TTLL6: variants seen among roughly 807,000 people sequenced by gnomAD.
TTLL6 encodes the protein tubulin tyrosine ligase like 6, also known as tubulin polyglutamylase TTLL6.
In TTLL6, 75 loss-of-function variants were observed where a neutral mutation model predicts 96.4. That is an observed-to-expected ratio of 0.78 (90% CI 0.65 to 0.94). TTLL6 has a LOEUF of 0.94. Among genes scored for constraint, TTLL6 ranks in the 40% least tolerant of loss-of-function variants. The pLI is 0.00. For missense variants in TTLL6, 1,030 were observed against 1,093.0 expected, an observed-to-expected ratio of 0.94 and a Z score of 0.81; for synonymous variants, 411 against 419.4, an observed-to-expected ratio of 0.98 and a Z score of 0.24.
intron 13 of TTLL6, among the ~76,000 whole-genome samples, chr17:48,773,650 A>G (rs1366596720): frequency 6.6e-6 from 1 of 152,062 alleles, no homozygotes; most frequent in African/African-American, 2.4e-5. Context: ...GAGCCCAGGA[A>G]GATTGAGGTT....
At chr17:48,805,949 A>C (rs2039500115) in intron 1 of TTLL6, among the ~76,000 whole-genome samples, 2 of 152,206 alleles carry the variant, frequency 1.3e-5, no homozygotes. Flanking sequence ...GTCTCTACTA[A>C]AAATACAAAA....
intron 3 of TTLL6, among the ~76,000 whole-genome samples, chr17:48,803,111 G>A (rs1297472105): frequency 6.7e-6 from 1 of 148,324 alleles, no homozygotes; most frequent in South Asian, 2.1e-4. Context: ...CAGAGGTTGC[G>A]GTGAGCCGAG....
intron 9 of TTLL6, among the ~76,000 whole-genome samples, chr17:48,791,039 C>T (rs540765124): frequency 2.6e-5 from 4 of 152,316 alleles, no homozygotes; most frequent in Non-Finnish European, 1.5e-5. Context: ...CTGTCTGATA[C>T]TGAACGTTGC....
At chr17:48,811,998 G>T (rs182498604) in intron 1 of TTLL6, among the ~76,000 whole-genome samples, 486 of 151,072 alleles carry the variant, frequency 3.2e-3, no homozygotes, top group Non-Finnish European at 5.2e-3. Flanking sequence ...ACCACGCCCA[G>T]CCAGAAAGCA....
At chr17:48,802,076 GAAAA>G (rs1259637685) in intron 3 of TTLL6, among the ~76,000 whole-genome samples, 1 of 62,130 alleles carries the variant, frequency 1.6e-5, no homozygotes, top group East Asian at 3.2e-4. Context: ...AAGAAAGAAA[GAAAA>G]AGAAAGAAAG....
rs1303513682 is a variant in TTLL6 at position 48,794,356 on chromosome 17, C to T, written c.998+1705G>A. Reference sequence around the variant, plus strand: ...AAATGACAGTAACCACGCACACTGTCTGTGTTGCCATCACAAGTCATTTGA... The same window carrying T: ...AAATGACAGTAACCACGCACACTGTTTGTGTTGCCATCACAAGTCATTTGA... On this transcript the variant is annotated intron_variant, in intron 8 of 15. Transcript: ENST00000393382. The T allele has an allele frequency of 3.2e-6, 5 of 1,553,344 alleles. No individual in the cohort carries two copies. The African/African-American group carries it at 6.8e-5, about 21-fold the overall frequency.
At chr17:48,789,817 A>G in intron 10 of TTLL6, 114 bp downstream of exon 10, 1 of 1,160,598 alleles carries the variant, frequency 8.6e-7, no homozygotes, top group Non-Finnish European at 1.2e-6. Context: ...TCAGCCTCCC[A>G]AAGTGCTGGG....
At chr17:48,795,496 C>T (rs2143402809) in intron 8 of TTLL6, among the ~76,000 whole-genome samples, 1 of 152,236 alleles carries the variant, frequency 6.6e-6, no homozygotes, top group South Asian at 2.1e-4. Context: ...TTTCTTAAAA[C>T]TCAAATGAGA....
intron 1 of TTLL6, among the ~76,000 whole-genome samples, chr17:48,810,565 G>A (rs1017574288): frequency 2.0e-5 from 3 of 151,906 alleles, no homozygotes; most frequent in African/African-American, 7.2e-5. Context: ...GCATAGTAGC[G>A]CATACCTATA....
intron 13 of TTLL6, among the ~76,000 whole-genome samples, chr17:48,779,043 G>A (rs68012338): frequency 0.3 from 46,162 of 151,708 alleles, 7,281 homozygotes; most frequent in Admixed American, 0.41. Flanking sequence ...TGAGGTTGCA[G>A]TGAGCTATGA....
intron 14 of TTLL6, 32 bp from the exon 15 acceptor site, chr17:48,769,286 T>A (rs970328366): frequency 3.8e-6 from 6 of 1,565,972 alleles, no homozygotes; most frequent in Admixed American, 1.8e-5. Flanking sequence ...CATCAGCGAT[T>A]TGTGCTGCTG....
chr17:48,816,369 G>A (rs1304671362), intron 1 of TTLL6, among the ~76,000 whole-genome samples: 1 of 150,488 alleles, frequency 6.6e-6, no homozygotes, highest in African/African-American at 2.5e-5. Context: ...CGCACATACT[G>A]GTGCTTTCAA....
At chr17:48,796,654 A>G (rs964641220) in intron 7 of TTLL6, among the ~76,000 whole-genome samples, 38 of 150,980 alleles carry the variant, frequency 2.5e-4, no homozygotes, top group African/African-American at 8.5e-4. Flanking sequence ...TCTTTCTGAG[A>G]TTGGGTGGTG....
chr17:48,791,365 C>G lies in TTLL6; in HGVS notation c.1224+13G>C. ...CAGGAGTTCGTTTTCGCCCCTCGCC[C>G]AAACTTCCCTACCTCCAGCAGCCAG... On this transcript the variant is annotated intron_variant, in intron 9 of 15. Transcript: ENST00000393382. 1 of 1,612,786 alleles carries G rather than the reference C, an allele frequency of 6.2e-7. No individual in the cohort carries two copies. Among genetic ancestry groups the G allele is most frequent in the Non-Finnish European group, 8.5e-7 (1 of 1,179,130 alleles).
intron 3 of TTLL6, among the ~76,000 whole-genome samples, chr17:48,801,908 T>C (rs1188473200): frequency 1.3e-5 from 2 of 150,986 alleles, no homozygotes; most frequent in East Asian, 3.9e-4. Flanking sequence ...TATCTGGGTG[T>C]GGTGGGGTGC....
At chr17:48,805,136 G>A in intron 1 of TTLL6, 145 bp from the exon 2 acceptor site, 1 of 667,812 alleles carries the variant, frequency 1.5e-6, no homozygotes, top group Middle Eastern at 4.1e-4. Flanking sequence ...TCCGCGGTTT[G>A]ATGCAAGCTC....
chr17:48,763,945 C>T (rs746202624), intron 15 of TTLL6, among the ~76,000 whole-genome samples: 6 of 151,982 alleles, frequency 3.9e-5, no homozygotes, highest in Admixed American at 6.6e-5. Context: ...GCCTGGGCAA[C>T]GGAGGGAGAC....
rs140617905 is a variant in TTLL6 at position 48,787,809 on chromosome 17, A to G, written c.1589+2T>C. 5.4e-4 allele frequency: 872 copies of G among 1,613,000 alleles called. 1 individual carries two copies. The highest frequency in any genetic ancestry group is 9.3e-4 in the Admixed American group (56 of 59,944). On this transcript the variant is annotated splice_donor_variant, in intron 11 of 15. Coordinates refer to ENST00000393382, the MANE Select transcript of TTLL6 (RefSeq NM_001130918.3). LOFTEE classifies it high-confidence loss of function. ...CCGACCTCATCCCGGATGTCTTCCT[A>G]CCGGGCATACTCCTCCCGAGCCCTG...
At chr17:48,814,809 C>G (rs942602781) in intron 1 of TTLL6, among the ~76,000 whole-genome samples, 4 of 152,122 alleles carry the variant, frequency 2.6e-5, no homozygotes, top group Non-Finnish European at 5.9e-5. Context: ...CTTTCAAACT[C>G]CAGCCTGTTG....
Sources: gnomAD v4.1 joint callset for allele counts (sites outside exome capture counted in the v4.1 genomes callset) on GRCh38, gnomAD v4.1.1 for gene constraint, MANE v1.5 for transcripts, NCBI Gene and HGNC (gene_info 2026-07-23, HGNC 2026-07-21) for gene names.